The following DLC1 variants were observed in gnomAD, a reference collection of about 807,000 sequenced individuals.
DLC1 encodes DLC1 Rho GTPase activating protein.
DLC1 carries 54 observed loss-of-function variants against 140.3 expected under a neutral mutation model. That is an observed-to-expected ratio of 0.38 (90% CI 0.31 to 0.48). DLC1 has a LOEUF of 0.48. Among genes scored for constraint, DLC1 ranks in the 20% least tolerant of loss-of-function variants. DLC1 has a pLI of 0.96. For synonymous variants in DLC1, 986 were observed against 728.1 expected (o/e 1.35, Z -5.70); for missense variants, 2,536 against 1,907.0 (o/e 1.33, Z -6.14).
chr8:13,147,797 G>A lies in DLC1; in HGVS notation c.1349-32140C>T, dbSNP rs994955547. On this transcript the variant is annotated intron_variant, in intron 5 of 17. Transcript: ENST00000276297. Reference sequence around the variant, plus strand: ...GAGGTCAAGAGATTGAGACCATCCTGGCCAACATGGTGAAACCCCGTCTCT... The same window carrying A: ...GAGGTCAAGAGATTGAGACCATCCTAGCCAACATGGTGAAACCCCGTCTCT... Among the ~76,000 whole-genome samples, 3 of 152,246 alleles carry A rather than the reference G, an allele frequency of 2.0e-5. No homozygotes were observed. The South Asian group carries it at 6.2e-4, about 32-fold the overall frequency.
chr8:13,186,819 G>A (rs532063496), intron 5 of DLC1, among the ~76,000 whole-genome samples: 6 of 152,304 alleles, frequency 3.9e-5, no homozygotes, highest in African/African-American at 1.2e-4. Flanking sequence ...TGTTGGTGAC[G>A]TACAGATGGG....
chr8:13,276,449 G>T, intron 5 of DLC1: 1 of 1,403,234 alleles, frequency 7.1e-7, no homozygotes, highest in South Asian at 1.5e-5. Context: ...ACCATGCCTC[G>T]GTACTCCGCC....
chr8:13,094,052 G>C (rs759061158), intron 12 of DLC1, among the ~76,000 whole-genome samples: 1 of 152,196 alleles, frequency 6.6e-6, no homozygotes, highest in African/African-American at 2.4e-5. Flanking sequence ...ACAGACACCT[G>C]TGAAATTTTA....
At chr8:13,545,532 C>T (rs1327879451) in intron 1 of DLC1, among the ~76,000 whole-genome samples, 3 of 151,902 alleles carry the variant, frequency 2.0e-5, no homozygotes, top group Non-Finnish European at 4.4e-5. Flanking sequence ...AAGGTTTACT[C>T]TTCTTATTCT....
chr8:13,372,407 AC>A (rs1835769150), intron 4 of DLC1, among the ~76,000 whole-genome samples: 1 of 152,162 alleles, frequency 6.6e-6, no homozygotes, highest in African/African-American at 2.4e-5. Flanking sequence ...AAACAGAAGA[AC>A]CGTTTGAGGA....
chr8:13,254,024 G>C (rs1830112954), intron 5 of DLC1, among the ~76,000 whole-genome samples: 1 of 151,976 alleles, frequency 6.6e-6, no homozygotes, highest in Non-Finnish European at 1.5e-5. Flanking sequence ...AAAAATCCTT[G>C]AAGACATAAC....
chr8:13,277,859 A>G (rs1831230881), intron 5 of DLC1, among the ~76,000 whole-genome samples: 1 of 152,154 alleles, frequency 6.6e-6, no homozygotes, highest in African/African-American at 2.4e-5. Flanking sequence ...GCTAATTATT[A>G]CCATAATTAT....
At chr8:13,263,381 C>T (rs1407308928) in intron 5 of DLC1, among the ~76,000 whole-genome samples, 1 of 151,960 alleles carries the variant, frequency 6.6e-6, no homozygotes, top group Non-Finnish European at 1.5e-5. Flanking sequence ...AAGTAATGAA[C>T]TTTATGTTAT....
chr8:13,494,221 T>C (rs1006818604), intron 2 of DLC1, among the ~76,000 whole-genome samples: 3 of 152,242 alleles, frequency 2.0e-5, no homozygotes, highest in African/African-American at 7.2e-5. Context: ...AATATATTTA[T>C]GTTAGAGTGT....
chr8:13,133,135 C>A, intron 5 of DLC1: 1 of 1,452,952 alleles, frequency 6.9e-7, no homozygotes, highest in Non-Finnish European at 9.1e-7. Context: ...CTCGTCACGG[C>A]CCCAGAAAGA....
intron 5 of DLC1, among the ~76,000 whole-genome samples, chr8:13,198,153 C>G (rs1446191495): frequency 1.3e-5 from 2 of 151,986 alleles, no homozygotes; most frequent in Non-Finnish European, 2.9e-5. Flanking sequence ...CTCTTGGAAG[C>G]TAAGTTCAGT....
chr8:13,321,038 A>G (rs1336079341), intron 4 of DLC1, among the ~76,000 whole-genome samples: 1 of 152,154 alleles, frequency 6.6e-6, no homozygotes, highest in East Asian at 1.9e-4. Context: ...CCGCAGAACC[A>G]TGAGCCAAAT....
intron 3 of DLC1, among the ~76,000 whole-genome samples, chr8:13,399,046 G>T (rs1837177031): frequency 6.6e-6 from 1 of 152,166 alleles, no homozygotes; most frequent in South Asian, 2.1e-4. Flanking sequence ...CTGCAGAACA[G>T]CAGGGGAGGC....
At chr8:13,324,614 C>T (rs752812914) in intron 4 of DLC1, among the ~76,000 whole-genome samples, 3 of 148,592 alleles carry the variant, frequency 2.0e-5, no homozygotes, top group Non-Finnish European at 4.5e-5. Flanking sequence ...ACTTTATCAA[C>T]ATGATATAGT....
intron 5 of DLC1, among the ~76,000 whole-genome samples, chr8:13,119,372 A>C (rs1231816606): frequency 6.6e-6 from 1 of 152,140 alleles, no homozygotes; most frequent in African/African-American, 2.4e-5. Context: ...CACACACTGC[A>C]CTTCAGTGAA....
intron 5 of DLC1, among the ~76,000 whole-genome samples, chr8:13,150,508 A>G (rs1585776388): frequency 1.3e-5 from 2 of 152,198 alleles, no homozygotes. Flanking sequence ...ACTCCCTGGT[A>G]CAGACAGGGA....
In DLC1 at chr8:13,171,308, T is replaced by G. The variant is rs575975734; in HGVS notation, c.1349-55651A>C. 4.6e-5 allele frequency among the ~76,000 whole-genome samples: 7 copies of G among 152,342 alleles called. No individual in the cohort carries two copies. The East Asian group carries it at 1.2e-3, about 25-fold the overall frequency. On this transcript the variant is annotated intron_variant, in intron 5 of 17. Coordinates refer to ENST00000276297, the MANE Select transcript of DLC1 (RefSeq NM_182643.3). The stretch of plus-strand genomic sequence containing the variant: ...TGTTTGTTCTTATTCTCAACTCATA[T>G]GATTAAAAAAAATTCTAATAGACAC...
intron 1 of DLC1, among the ~76,000 whole-genome samples, chr8:13,505,298 G>T (rs887000421): frequency 3.6e-4 from 55 of 151,982 alleles, no homozygotes; most frequent in African/African-American, 1.3e-3. Context: ...AATAATTTAA[G>T]GGAGATAGTC....
At chr8:13,599,037 A>G (rs941291413) in intron 1 of DLC1, among the ~76,000 whole-genome samples, 1 of 151,878 alleles carries the variant, frequency 6.6e-6, no homozygotes, top group Non-Finnish European at 1.5e-5. Context: ...ACCAAAGAAG[A>G]ACGCAAAAGG....
Sources: allele counts gnomAD v4.1 joint callset (sites outside exome capture counted in the v4.1 genomes callset), GRCh38; gene constraint gnomAD v4.1.1; transcripts MANE v1.5; gene names NCBI Gene and HGNC (gene_info 2026-07-23, HGNC 2026-07-21).